KCNIP1: variants seen among roughly 807,000 people sequenced by gnomAD.
KCNIP1 encodes the protein potassium voltage-gated channel interacting protein 1, also known as A-type potassium channel modulatory protein KCNIP1.
Under a neutral mutation model 33.0 loss-of-function variants are expected in KCNIP1, and 18 were observed. That is an observed-to-expected ratio of 0.55 (90% CI 0.38 to 0.81). KCNIP1 has a LOEUF of 0.81. KCNIP1 is among the 30% of genes least tolerant of loss of function. The probability of loss-of-function intolerance (pLI) is 0.00; values close to 1 mark genes in which losing one functional copy is unlikely to be tolerated. For missense variants in KCNIP1, 238 were observed against 271.6 expected (o/e 0.88, Z 0.87); for synonymous variants, 93 against 98.3 (o/e 0.95, Z 0.32).
At chr5:170,469,947 T>C (rs546244378) in intron 1 of KCNIP1, among the ~76,000 whole-genome samples, 2 of 152,320 alleles carry the variant, frequency 1.3e-5, no homozygotes, top group South Asian at 2.1e-4. Context: ...TAATAAGAGA[T>C]AGGGACAGCA....
intron 1 of KCNIP1, among the ~76,000 whole-genome samples, chr5:170,470,948 G>A (rs1756709327): frequency 6.6e-6 from 1 of 152,198 alleles, no homozygotes; most frequent in South Asian, 2.1e-4. Flanking sequence ...TCCATTTGGT[G>A]GAGGTCTGGG....
chr5:170,733,501 G>A (rs1764279883), intron 6 of KCNIP1, among the ~76,000 whole-genome samples: 1 of 152,242 alleles, frequency 6.6e-6, no homozygotes, highest in Admixed American at 6.5e-5. Flanking sequence ...TAACAGGCCA[G>A]AATCAGAACC....
At chr5:170,388,024 C>CCGA (rs1554088670) in intron 1 of KCNIP1, among the ~76,000 whole-genome samples, 3 of 152,120 alleles carry the variant, frequency 2.0e-5, no homozygotes, top group African/African-American at 7.2e-5. Flanking sequence ...ATCAGCCCCC[C>CCGA]CCAGCGCCCA....
Position 170,423,833 on chromosome 5 carries a change from T to C in KCNIP1, c.88+69869T>C, listed in dbSNP as rs556979245. On this transcript the variant is annotated intron_variant, in intron 1 of 7. Transcript: ENST00000377360. The stretch of plus-strand genomic sequence containing the variant: ...AGGCCAGATGGGGAGCCGGGTGCTG[T>C]ATAAATGTTTAATTGTGGCTCAGTA... 3.3e-5 allele frequency among the ~76,000 whole-genome samples: 5 copies of C among 152,318 alleles called. No individual in the cohort carries two copies. The East Asian group carries it at 9.6e-4, about 29-fold the overall frequency.
intron 1 of KCNIP1, among the ~76,000 whole-genome samples, chr5:170,448,492 G>T (rs550785654): frequency 2.8e-4 from 43 of 152,380 alleles, no homozygotes; most frequent in African/African-American, 1.0e-3. Context: ...ACTCCCTGGG[G>T]GAAGTGTGGG....
intron 1 of KCNIP1, among the ~76,000 whole-genome samples, chr5:170,540,254 G>A (rs1222064535): frequency 2.6e-5 from 4 of 152,338 alleles, no homozygotes; most frequent in South Asian, 2.1e-4. Flanking sequence ...CAAAGCCTAC[G>A]TCCTGTAGAG....
At chr5:170,735,696 AG>A in intron 7 of KCNIP1, 62 bp from the exon 8 acceptor site, 1 of 1,391,762 alleles carries the variant, frequency 7.2e-7, no homozygotes, top group Non-Finnish European at 1.0e-6. Flanking sequence ...TGCTCACCAG[AG>A]TTACAGAGCT....
At chr5:170,710,938 G>A (rs1014379239) in intron 1 of KCNIP1, among the ~76,000 whole-genome samples, 43 of 152,164 alleles carry the variant, frequency 2.8e-4, no homozygotes, top group Admixed American at 2.8e-3. Context: ...ACACTGTTTT[G>A]AAATGATTTG....
At chr5:170,385,904 G>C (rs981940993) in intron 1 of KCNIP1, among the ~76,000 whole-genome samples, 3 of 151,926 alleles carry the variant, frequency 2.0e-5, no homozygotes, top group African/African-American at 7.3e-5. Context: ...CGGATCATGA[G>C]GTCAGGAGAT....
At chr5:170,434,440 G>A (rs145163950) in intron 1 of KCNIP1, among the ~76,000 whole-genome samples, 227 of 152,246 alleles carry the variant, frequency 1.5e-3, no homozygotes, top group Admixed American at 2.0e-3. Flanking sequence ...GCCCCCAATC[G>A]GGTGGCATCC....
At chr5:170,597,888 A>C (rs551688679) in intron 1 of KCNIP1, among the ~76,000 whole-genome samples, 3 of 151,124 alleles carry the variant, frequency 2.0e-5, no homozygotes, top group East Asian at 3.9e-4. Context: ...TTTCATGCCA[A>C]GTGGAAACAA....
chr5:170,518,111 G>A (rs916994609), intron 1 of KCNIP1, among the ~76,000 whole-genome samples: 1 of 152,076 alleles, frequency 6.6e-6, no homozygotes, highest in Non-Finnish European at 1.5e-5. Flanking sequence ...GTGATGAAAG[G>A]TGGTGATGGT....
intron 1 of KCNIP1, among the ~76,000 whole-genome samples, chr5:170,624,742 G>T (rs1759755813): frequency 9.9e-6 from 1 of 101,132 alleles, no homozygotes; most frequent in Non-Finnish European, 2.1e-5. Flanking sequence ...TGGGGGGGGA[G>T]AGGGGAGGGG....
Position 170,733,172 on chromosome 5 carries a change from C to T in KCNIP1, c.540+268C>T, listed in dbSNP as rs1056047045. On this transcript the variant is annotated intron_variant, in intron 6 of 7. Coordinates refer to ENST00000328939, the MANE Select transcript of KCNIP1 (RefSeq NM_014592.4). Reference sequence around the variant, plus strand: ...AAAAATTTGGGGATCAGGGTAAACACGAAAGACTTCATTAATTACAACTGT... The same window carrying T: ...AAAAATTTGGGGATCAGGGTAAACATGAAAGACTTCATTAATTACAACTGT... Among the ~76,000 whole-genome samples, 6 of 152,088 alleles carry T rather than the reference C, an allele frequency of 3.9e-5. No individual in the cohort carries two copies. The South Asian group carries it at 8.3e-4, about 21-fold the overall frequency.
At position 170,733,863 on chromosome 5, in the gene KCNIP1, G is replaced by A. The variant is rs554302933; in HGVS notation, c.568G>A (p.Val190Ile). 6 of 1,613,678 alleles carry A rather than the reference G, an allele frequency of 3.7e-6. No individual in the cohort carries two copies. Among genetic ancestry groups the A allele is most frequent in the African/African-American group, 1.3e-5 (1 of 75,024 alleles). ...AATGGACAAAAATAAAGATGGCATC[G>A]TAACTTTAGATGAATTTCTTGAATC... ...QKMDKNKDGIVTLDEFLESCQ... is the reference protein window; with the variant it reads ...QKMDKNKDGIITLDEFLESCQ... The change falls in exon 7 of 8, where the codon GTA (valine) becomes ATA (isoleucine). Residue 190 changes from valine to isoleucine, a missense_variant. Coordinates refer to ENST00000328939, the MANE Select transcript of KCNIP1 (RefSeq NM_014592.4).
intron 1 of KCNIP1, among the ~76,000 whole-genome samples, chr5:170,581,743 T>C (rs144486410): frequency 6.6e-6 from 1 of 152,374 alleles, no homozygotes; most frequent in East Asian, 1.9e-4. Flanking sequence ...ACCCACTGTC[T>C]ATGTCTGTTT....
chr5:170,446,287 C>T (rs1756114757), intron 1 of KCNIP1, among the ~76,000 whole-genome samples: 1 of 152,174 alleles, frequency 6.6e-6, no homozygotes, highest in African/African-American at 2.4e-5. Flanking sequence ...TGCAGTGAGA[C>T]TGGGTTTGAA....
intron 1 of KCNIP1, among the ~76,000 whole-genome samples, chr5:170,429,898 T>C (rs1755702632): frequency 6.6e-6 from 1 of 152,260 alleles, no homozygotes. Context: ...AATATGATCA[T>C]GTCTAATGCT....
At chr5:170,610,314 A>G (rs1385015173) in intron 1 of KCNIP1, among the ~76,000 whole-genome samples, 1 of 152,238 alleles carries the variant, frequency 6.6e-6, no homozygotes, top group Non-Finnish European at 1.5e-5. Flanking sequence ...GAGCTATTAT[A>G]TTGACCAAAT....
Sources: allele counts gnomAD v4.1 joint callset (sites outside exome capture counted in the v4.1 genomes callset), GRCh38; gene constraint gnomAD v4.1.1; transcripts MANE v1.5; gene names NCBI Gene and HGNC (gene_info 2026-07-23, HGNC 2026-07-21).